CFAP54: variants seen among roughly 807,000 people sequenced by gnomAD.
CFAP54 encodes cilia and flagella associated protein 54.
A neutral mutation model predicts 370.4 loss-of-function variants in CFAP54; 290 were observed. The ratio of observed to expected loss-of-function variants is 0.78; its 90% CI spans 0.71 to 0.86. The LOEUF (loss-of-function observed/expected upper bound fraction) is 0.86, where lower values mean the gene tolerates loss of function less well. Ranked by LOEUF, CFAP54 falls within the 40% of genes least tolerant of loss-of-function variation. The probability of loss-of-function intolerance (pLI) is 0.00; values close to 1 mark genes in which losing one functional copy is unlikely to be tolerated. For synonymous variants in CFAP54, 1,206 were observed against 1,236.5 expected (o/e 0.98, Z 0.52); for missense variants, 3,399 against 3,528.7 (o/e 0.96, Z 0.93).
intron 56 of CFAP54, 28 bp from the exon 57 acceptor site, chr12:96,756,430 C>T (rs1958257874): frequency 7.3e-7 from 1 of 1,365,538 alleles, no homozygotes; most frequent in South Asian, 1.3e-5. Context: ...AAAGGAAAAA[C>T]CATCTTTGTA....
intron 65 of CFAP54, among the ~76,000 whole-genome samples, chr12:96,826,287 CAA>C (rs1053182937): frequency 2.6e-4 from 21 of 79,272 alleles, no homozygotes; most frequent in Non-Finnish European, 5.3e-4. Context: ...CAAATATATT[CAA>C]GACATATATA....
chr12:96,726,956 G>A (rs1479933565), intron 50 of CFAP54, among the ~76,000 whole-genome samples: 3 of 152,116 alleles, frequency 2.0e-5, no homozygotes, highest in East Asian at 1.9e-4. Context: ...TCAGGAGCAC[G>A]TTGTTCAGTT....
intron 49 of CFAP54, among the ~76,000 whole-genome samples, chr12:96,719,746 A>G (rs1957726857): frequency 6.6e-6 from 1 of 152,222 alleles, no homozygotes; most frequent in Non-Finnish European, 1.5e-5. Flanking sequence ...TACTGTAAAC[A>G]AGTGTCCTTT....
chr12:96,555,284 C>T lies in CFAP54; in HGVS notation c.2410+482C>T, dbSNP rs917598838. Reference sequence around the variant, plus strand: ...GTCAGAGATGAGTTCCTGGCAGGGGCGTGTAAAGCATTCAAATAATATTGT... The same window carrying T: ...GTCAGAGATGAGTTCCTGGCAGGGGTGTGTAAAGCATTCAAATAATATTGT... On this transcript the variant is annotated intron_variant, in intron 17 of 67. Coordinates refer to ENST00000524981, the MANE Select transcript of CFAP54 (RefSeq NM_001306084.2). 2.6e-5 allele frequency among the ~76,000 whole-genome samples: 4 copies of T among 151,750 alleles called. No individual in the cohort carries two copies. The East Asian group carries it at 7.7e-4, about 29-fold the overall frequency.
At chr12:96,771,415 G>A (rs1447421927) in intron 60 of CFAP54, among the ~76,000 whole-genome samples, 1 of 152,316 alleles carries the variant, frequency 6.6e-6, no homozygotes. Context: ...CACTTTGGGA[G>A]GCCAAGGCGG....
chr12:96,848,913 C>T (rs1422664421), intron 66 of CFAP54, among the ~76,000 whole-genome samples: 2 of 152,116 alleles, frequency 1.3e-5, no homozygotes, highest in Non-Finnish European at 2.9e-5. Context: ...GGATGCTATT[C>T]CTGTTAGATT....
At chr12:96,861,146 A>C (rs1310084766) in intron 67 of CFAP54, among the ~76,000 whole-genome samples, 194 bp downstream of exon 67, 3 of 152,220 alleles carry the variant, frequency 2.0e-5, no homozygotes, top group Non-Finnish European at 4.4e-5. Flanking sequence ...AAACTATCTT[A>C]CAGAGCTATT....
intron 17 of CFAP54, among the ~76,000 whole-genome samples, chr12:96,556,270 G>A (rs1031386638): frequency 2.6e-5 from 4 of 151,384 alleles, no homozygotes; most frequent in South Asian, 4.1e-4. Context: ...ACATTTGGCT[G>A]CATTAATATA....
At chr12:96,756,090 T>C (rs1204789589) in intron 56 of CFAP54, among the ~76,000 whole-genome samples, 1 of 152,146 alleles carries the variant, frequency 6.6e-6, no homozygotes. Context: ...TTCTATGATA[T>C]CTGTGAAGGA....
chr12:96,552,016 G>A (rs1955700015), intron 15 of CFAP54, among the ~76,000 whole-genome samples: 1 of 152,112 alleles, frequency 6.6e-6, no homozygotes, highest in Non-Finnish European at 1.5e-5. Context: ...GGAGGCCAAG[G>A]CGGGTGGATC....
chr12:96,620,617 C>T (rs1016662614), intron 26 of CFAP54, among the ~76,000 whole-genome samples: 22 of 152,220 alleles, frequency 1.4e-4, no homozygotes, highest in Non-Finnish European at 2.8e-4. Context: ...CTAACATACT[C>T]AACAGAATAT....
intron 65 of CFAP54, among the ~76,000 whole-genome samples, chr12:96,823,955 C>T (rs34448): frequency 0.93 from 141,174 of 152,078 alleles, 65,528 homozygotes; most frequent in East Asian, 1. Flanking sequence ...GAAGTTTTTT[C>T]TCCCCCCACC....
At chr12:96,669,749 G>T (rs1246026493) in intron 39 of CFAP54, among the ~76,000 whole-genome samples, 1 of 152,212 alleles carries the variant, frequency 6.6e-6, no homozygotes, top group African/African-American at 2.4e-5. Flanking sequence ...GGATGACAAT[G>T]AGTAGAGCTA....
chr12:96,712,359 T>C (rs1412525591), intron 48 of CFAP54, among the ~76,000 whole-genome samples: 7 of 152,286 alleles, frequency 4.6e-5, no homozygotes, highest in Non-Finnish European at 1.0e-4. Flanking sequence ...TTCTCATATG[T>C]ACCAGGTTAT....
At chr12:96,666,563 A>C (rs540978700) in intron 39 of CFAP54, among the ~76,000 whole-genome samples, 1 of 152,352 alleles carries the variant, frequency 6.6e-6, no homozygotes, top group African/African-American at 2.4e-5. Flanking sequence ...GGCAAGCTGG[A>C]GAGCATGTGC....
In CFAP54 at chr12:96,640,657, T is replaced by G. The variant is rs559753293; in HGVS notation, c.4317-3521T>G. Among the ~76,000 whole-genome samples the G allele has an allele frequency of 4.8e-3, 723 of 152,136 alleles. 4 individuals carry two copies. The highest frequency in any genetic ancestry group is 0.016 in the African/African-American group (680 of 41,512). ...AAAAGAACAAAGCTGGAGGCATCAC[T>G]CTACCTGACTTCAAACTATACTACA... On this transcript the variant is annotated intron_variant, in intron 32 of 67. Transcript: ENST00000524981.
chr12:96,492,275 A>T (rs1412407514), intron 1 of CFAP54, among the ~76,000 whole-genome samples: 2 of 152,086 alleles, frequency 1.3e-5, no homozygotes. Flanking sequence ...AAGAATTCTG[A>T]TACTCTCCAG....
Position 96,822,391 on chromosome 12 carries a change from A to C in CFAP54, c.9096+4478A>C, listed in dbSNP as rs1959043759. ...GAAATGCCTGATTGTAAGACTATTA[A>C]AATTAATATATAGGGAGTATATCCC... On this transcript the variant is annotated intron_variant, in intron 65 of 67. Transcript: ENST00000524981. Among the ~76,000 whole-genome samples the C allele has an allele frequency of 2.6e-5, 4 of 152,338 alleles. No individual in the cohort carries two copies. In the South Asian group the frequency reaches 8.3e-4, roughly 32 times the overall value.
At chr12:96,652,496 A>G (rs1028234506) in intron 36 of CFAP54, among the ~76,000 whole-genome samples, 16 of 152,212 alleles carry the variant, frequency 1.1e-4, no homozygotes, top group Non-Finnish European at 1.5e-5. Context: ...CTAGTGAAAA[A>G]GAGACATAGC....
Sources: allele counts gnomAD v4.1 joint callset (sites outside exome capture counted in the v4.1 genomes callset), GRCh38; gene constraint gnomAD v4.1.1; transcripts MANE v1.5; gene names NCBI Gene and HGNC (gene_info 2026-07-23, HGNC 2026-07-21).